The following CDK19 variants were observed in gnomAD, a reference collection of about 807,000 sequenced individuals.
CDK19 encodes the protein cyclin-dependent kinase 19.
Under a neutral mutation model 68.3 loss-of-function variants are expected in CDK19, and 20 were observed. That is an observed-to-expected ratio of 0.29 (90% CI 0.21 to 0.43). The LOEUF (loss-of-function observed/expected upper bound fraction) is 0.43. Among genes scored for constraint, CDK19 ranks in the 20% least tolerant of loss-of-function variants. The pLI is 1.00. For synonymous variants in CDK19, 221 were observed against 222.8 expected (o/e 0.99, Z 0.07); for missense variants, 339 against 623.5 (o/e 0.54, Z 4.86).
chr6:110,789,053 T>TA (rs1781425913), intron 1 of CDK19, among the ~76,000 whole-genome samples: 1 of 152,186 alleles, frequency 6.6e-6, no homozygotes, highest in Non-Finnish European at 1.5e-5. Flanking sequence ...TGGAGATGAT[T>TA]AGCATCACAT....
Position 110,679,478 on chromosome 6 carries a change from G to C in CDK19, c.205-8937C>G, listed in dbSNP as rs182708641. On this transcript the variant is annotated intron_variant, in intron 2 of 12. Transcript: ENST00000368911. ...AATACAAAAATTAGCCAGGCGTGGT[G>C]GTGGGTGCCTATAATCCTAGCTACT... is the stretch of plus-strand genomic sequence containing the variant. Among the ~76,000 whole-genome samples the C allele has an allele frequency of 1.8e-4, 28 of 152,216 alleles. No individual in the cohort carries two copies. In the East Asian group the frequency reaches 4.1e-3, roughly 22 times the overall value.
At chr6:110,737,188 C>T (rs1271659062) in intron 2 of CDK19, among the ~76,000 whole-genome samples, 3 of 152,182 alleles carry the variant, frequency 2.0e-5, no homozygotes, top group Non-Finnish European at 4.4e-5. Context: ...ACATCTATGA[C>T]TTGTGTTACC....
Position 110,686,733 on chromosome 6 carries a change from G to T in CDK19, c.205-16192C>A, listed in dbSNP as rs533397682. On this transcript the variant is annotated intron_variant, in intron 2 of 12. Coordinates refer to ENST00000368911, the MANE Select transcript of CDK19 (RefSeq NM_015076.5). ...TATTCAAAAAAATTAGATTTCTCAA[G>T]GAAATAATCATAGGTTTGAAAAATA... Among the ~76,000 whole-genome samples the T allele has an allele frequency of 2.4e-4, 37 of 152,232 alleles. No homozygotes were observed. The East Asian group carries it at 6.9e-3, about 29-fold the overall frequency.
intron 10 of CDK19, among the ~76,000 whole-genome samples, chr6:110,622,534 A>C (rs1326962896): frequency 6.6e-6 from 1 of 152,198 alleles, no homozygotes; most frequent in African/African-American, 2.4e-5. Context: ...GGTTTGGCTG[A>C]ATTTCTGATC....
chr6:110,765,594 T>G (rs1042892002), intron 1 of CDK19, among the ~76,000 whole-genome samples: 47 of 150,826 alleles, frequency 3.1e-4, no homozygotes, highest in Non-Finnish European at 5.5e-4. Flanking sequence ...GGCAGGAGAA[T>G]TGCTTGAACC....
At chr6:110,691,712 A>C (rs554476253) in intron 2 of CDK19, among the ~76,000 whole-genome samples, 87 of 150,724 alleles carry the variant, frequency 5.8e-4, no homozygotes, top group Non-Finnish European at 1.0e-3. Flanking sequence ...CAATGGCATG[A>C]TCTTGGCTCA....
In CDK19 at chr6:110,726,676, G is replaced by C. The variant is rs556591602; in HGVS notation, c.204+19450C>G. ...TAATAGCAAACAAAACCACAATTGA[G>C]TGGGAAAGATAGATCACTACACACT... On this transcript the variant is annotated intron_variant, in intron 2 of 12. Transcript: ENST00000368911. 9.7e-4 allele frequency among the ~76,000 whole-genome samples: 148 copies of C among 152,252 alleles called. 2 individuals carry two copies. Among genetic ancestry groups the C allele is most frequent in the Middle Eastern group, 3.4e-3 (1 of 294 alleles).
chr6:110,730,099 T>C (rs1049258686), intron 2 of CDK19, among the ~76,000 whole-genome samples: 12 of 152,184 alleles, frequency 7.9e-5, no homozygotes, highest in African/African-American at 1.2e-4. Flanking sequence ...TCTGCCTTCA[T>C]TGGAGTACTA....
At chr6:110,677,114 A>G (rs1310957822) in intron 2 of CDK19, among the ~76,000 whole-genome samples, 1 of 152,208 alleles carries the variant, frequency 6.6e-6, no homozygotes, top group East Asian at 1.9e-4. Context: ...ACCTATATCT[A>G]TTTTGTTACT....
chr6:110,729,655 C>A (rs963399376), intron 2 of CDK19, among the ~76,000 whole-genome samples: 3 of 145,422 alleles, frequency 2.1e-5, no homozygotes, highest in Non-Finnish European at 3.0e-5. Context: ...GTTGGCCAGA[C>A]TGGCTTGAAC....
intron 8 of CDK19, among the ~76,000 whole-genome samples, chr6:110,624,492 A>T (rs1460891153): frequency 6.6e-6 from 1 of 152,192 alleles, no homozygotes; most frequent in Non-Finnish European, 1.5e-5. Flanking sequence ...CTCACAATCA[A>T]GCCACTCAGT....
chr6:110,649,349 CAT>C (rs1780826409), intron 4 of CDK19, among the ~76,000 whole-genome samples: 14 of 151,974 alleles, frequency 9.2e-5, no homozygotes, highest in Admixed American at 9.2e-4. Context: ...CACCTTATAC[CAT>C]AAACACATCA....
chr6:110,628,581 A>G (rs1342327998), intron 6 of CDK19, among the ~76,000 whole-genome samples: 1 of 152,190 alleles, frequency 6.6e-6, no homozygotes, highest in East Asian at 1.9e-4. Context: ...GGGTTATTAG[A>G]TCAAAAAAAC....
At chr6:110,775,477 C>T (rs1780335406) in intron 1 of CDK19, among the ~76,000 whole-genome samples, 1 of 152,058 alleles carries the variant, frequency 6.6e-6, no homozygotes. Context: ...TTAATTCTGA[C>T]AGTAATGTTG....
At chr6:110,625,679 T>C (rs1016339856) in intron 8 of CDK19, among the ~76,000 whole-genome samples, 2 of 151,998 alleles carry the variant, frequency 1.3e-5, no homozygotes, top group South Asian at 4.1e-4. Context: ...ATTGTGGCCA[T>C]CAAAATCATA....
Position 110,815,257 on chromosome 6 carries a change from G to A in CDK19, c.-121C>T. 1 of 1,022,344 alleles carries A rather than the reference G, an allele frequency of 9.8e-7. No individual in the cohort carries two copies. Among genetic ancestry groups the A allele is most frequent in the Non-Finnish European group, 1.3e-6 (1 of 782,498 alleles). The allele number at this position is 1,022,344 out of a possible 1,614,324, so 63.3% of individuals were successfully genotyped here. ...AGCCGCCTCTCGCGCGCGCGCGCGCGCCGCCCGCCGCCCGCCGCTCCGCGG... is the reference window on the plus strand; with the variant it reads ...AGCCGCCTCTCGCGCGCGCGCGCGCACCGCCCGCCGCCCGCCGCTCCGCGG... On this transcript the variant is annotated 5_prime_UTR_variant, in exon 1 of 13. Coordinates refer to ENST00000368911, the MANE Select transcript of CDK19 (RefSeq NM_015076.5).
chr6:110,812,812 T>C, intron 1 of CDK19, among the ~76,000 whole-genome samples: 1 of 101,614 alleles, frequency 9.8e-6, no homozygotes, highest in East Asian at 2.1e-4. Flanking sequence ...TTTAAAACAG[T>C]AAAAAAAAAA....
At chr6:110,715,180 CAT>C in intron 2 of CDK19, among the ~76,000 whole-genome samples, 1 of 152,194 alleles carries the variant, frequency 6.6e-6, no homozygotes, top group Non-Finnish European at 1.5e-5. Flanking sequence ...TAACGTTTAA[CAT>C]TTCCTCACCC....
intron 4 of CDK19, among the ~76,000 whole-genome samples, chr6:110,645,301 A>G (rs1780481234): frequency 6.6e-6 from 1 of 152,216 alleles, no homozygotes. Flanking sequence ...AAATTTTTAA[A>G]TATTTCTAAA....
Sources: gnomAD v4.1 joint callset for allele counts (sites outside exome capture counted in the v4.1 genomes callset) on GRCh38, gnomAD v4.1.1 for gene constraint, MANE v1.5 for transcripts, NCBI Gene and HGNC (gene_info 2026-07-23, HGNC 2026-07-21) for gene names.